The following TMEM44 variants were observed in gnomAD, a reference collection of about 807,000 sequenced individuals.
TMEM44 encodes transmembrane protein 44.
In TMEM44, 43 loss-of-function variants were observed where a neutral mutation model predicts 47.8. The observed-to-expected ratio is 0.90, with a 90% CI of 0.70 to 1.16. TMEM44 has a LOEUF of 1.16. Ranked by LOEUF, TMEM44 falls within the 50% of genes most tolerant of loss-of-function variation. The pLI is 0.00. For synonymous variants in TMEM44, 277 were observed against 238.8 expected (o/e 1.16, Z -1.48); for missense variants, 568 against 555.2 (o/e 1.02, Z -0.23).
rs1712152677 is a variant in TMEM44 at position 194,588,589 on chromosome 3, T to C, written c.1227A>G (p.Leu409=). 1 of 1,614,080 alleles carries C rather than the reference T, an allele frequency of 6.2e-7. No homozygotes were observed. Among genetic ancestry groups the C allele is most frequent in the Non-Finnish European group, 8.5e-7 (1 of 1,180,036 alleles). ...AGTCCTGGTGCACCTGGGATCCCAG[T>C]AGCTCCACATTTTCTTTGCTGCCTT... is the stretch of plus-strand genomic sequence containing the variant. ...NLEGSKENVE[L]LGSQVHQDSV... The change falls in exon 10 of 10, where the codon CTA becomes CTG. Residue 409 remains leucine, a synonymous_variant. Transcript: ENST00000347147.
chr3:194,605,011 A>T (rs760516834), intron 8 of TMEM44, among the ~76,000 whole-genome samples: 4 of 152,194 alleles, frequency 2.6e-5, no homozygotes, highest in Non-Finnish European at 5.9e-5. Context: ...CTAAAAACGC[A>T]CCCCATAGAG....
At chr3:194,623,194 CCA>C in intron 5 of TMEM44, 28 bp downstream of exon 5, 2 of 1,577,426 alleles carry the variant, frequency 1.3e-6, no homozygotes, top group Admixed American at 1.8e-5. Flanking sequence ...GTCATGTGAC[CCA>C]CAGTCCCATC....
chr3:194,627,456 T>A (rs1717300319), intron 2 of TMEM44, among the ~76,000 whole-genome samples: 1 of 146,056 alleles, frequency 6.8e-6, no homozygotes, highest in African/African-American at 2.5e-5. Context: ...TTTGAGGGCC[T>A]ACGCTTTTGA....
In TMEM44 at chr3:194,633,220, C is replaced by G. The variant is rs765904678; in HGVS notation, c.-5G>C. The G allele has an allele frequency of 2.3e-5, 32 of 1,392,686 alleles. 1 individual carries two copies. Among genetic ancestry groups the G allele is most frequent in the Non-Finnish European group, 1.9e-6 (2 of 1,072,610 alleles). 86.3% of individuals were successfully genotyped at this position (1,392,686 alleles called of 1,614,324 possible). ...GGGGCTGGGCGCCTCCCCCATGGCG[C>G]GGCTGGGCGCGCGGCGCGGGGCCGG... On this transcript the variant is annotated 5_prime_UTR_variant, in exon 1 of 10. Transcript: ENST00000347147.
At chr3:194,631,935 G>A (rs1439149430) in intron 1 of TMEM44, among the ~76,000 whole-genome samples, 2 of 152,240 alleles carry the variant, frequency 1.3e-5, no homozygotes, top group African/African-American at 2.4e-5. Context: ...GCCTAACAGT[G>A]CTGGTCTGAG....
At chr3:194,609,491 C>G (rs763366869) in intron 8 of TMEM44, among the ~76,000 whole-genome samples, 1 of 152,074 alleles carries the variant, frequency 6.6e-6, no homozygotes, top group Non-Finnish European at 1.5e-5. Context: ...TGGCCGAGTG[C>G]GTGGACTCTC....
chr3:194,588,454 A>G lies in TMEM44; in HGVS notation c.*75T>C, dbSNP rs969969374. 1.8e-5 allele frequency: 24 copies of G among 1,329,828 alleles called. No homozygotes were observed. The highest frequency in any genetic ancestry group is 1.6e-4 in the East Asian group (7 of 43,452). The allele number at this position is 1,329,828 out of a possible 1,614,324, so 82.4% of individuals were successfully genotyped here. ...TCAGTTCCTGCCGCGGTGTCAGTGC[A>G]GATTGATTCCCGCTGCGTTACTGAA... On this transcript the variant is annotated 3_prime_UTR_variant, in exon 10 of 10. Coordinates refer to ENST00000347147, the MANE Select transcript of TMEM44 (RefSeq NM_001011655.3).
intron 9 of TMEM44, chr3:194,593,038 TA>T: frequency 6.2e-7 from 1 of 1,613,880 alleles, no homozygotes; most frequent in Non-Finnish European, 8.5e-7. Flanking sequence ...TGATCGTCCA[TA>T]CCTGCTCCGA....
At chr3:194,603,159 C>T (rs988757048) in intron 9 of TMEM44, among the ~76,000 whole-genome samples, 19 of 152,210 alleles carry the variant, frequency 1.2e-4, no homozygotes, top group African/African-American at 3.4e-4. Context: ...GGAACCACAG[C>T]GGTGGGACCA....
At chr3:194,588,791 G>C (rs1712191625) in intron 9 of TMEM44, 152 bp from the exon 10 acceptor site, 1 of 698,948 alleles carries the variant, frequency 1.4e-6, no homozygotes, top group Non-Finnish European at 2.4e-6. Flanking sequence ...ACCCAGGCCT[G>C]TGTTTCTGGG....
chr3:194,596,340 C>T (rs1028429575), intron 9 of TMEM44, among the ~76,000 whole-genome samples: 3 of 152,148 alleles, frequency 2.0e-5, no homozygotes, highest in Admixed American at 6.5e-5. Flanking sequence ...TTTGGGGAGG[C>T]GGATTGGAAA....
intron 8 of TMEM44, 89 bp downstream of exon 8, chr3:194,610,827 C>T: frequency 4.4e-6 from 5 of 1,143,270 alleles, no homozygotes; most frequent in Non-Finnish European, 6.4e-6. Context: ...CCTGCTCATC[C>T]CTCAGCTAAA....
intron 1 of TMEM44, chr3:194,632,856 C>A: frequency 5.2e-6 from 4 of 767,466 alleles, no homozygotes; most frequent in Non-Finnish European, 7.6e-6. Context: ...TCCGCTGCAC[C>A]ACCCAGCCTC....
In TMEM44 at chr3:194,628,386, G is replaced by A; in HGVS notation, c.261C>T (p.Ile87=). The change falls in exon 2 of 10, where the codon ATC becomes ATT. Residue 87 remains isoleucine, a synonymous_variant. Coordinates refer to ENST00000347147, the MANE Select transcript of TMEM44 (RefSeq NM_001011655.3). ...GTCAGCTGGAGGCCCAACATACCTGGATTGTGAGCTGTCTGGCCAGAAGAG... is the reference window on the plus strand; with the variant it reads ...GTCAGCTGGAGGCCCAACATACCTGAATTGTGAGCTGTCTGGCCAGAAGAG... ...VGALLARQLT[I]QVFTGAYLAA... 1 of 1,610,690 alleles carries A rather than the reference G, an allele frequency of 6.2e-7. No homozygotes were observed. Among genetic ancestry groups the A allele is most frequent in the Non-Finnish European group, 8.5e-7 (1 of 1,178,460 alleles).
At chr3:194,593,763 T>G (rs73080778) in intron 9 of TMEM44, among the ~76,000 whole-genome samples, 24,143 of 152,096 alleles carry the variant, frequency 0.16, 2,277 homozygotes, top group African/African-American at 0.26. Flanking sequence ...ATTATCACAT[T>G]AAAACAAAAG....
chr3:194,608,342 G>C (rs956452637), intron 8 of TMEM44, among the ~76,000 whole-genome samples: 6 of 152,196 alleles, frequency 3.9e-5, no homozygotes, highest in African/African-American at 1.4e-4. Flanking sequence ...CGGTGTGTCT[G>C]GGCAGCCTGG....
Position 194,628,517 on chromosome 3 carries a change from G to A in TMEM44, c.138-8C>T, listed in dbSNP as rs1577229964. 9.3e-6 allele frequency: 15 copies of A among 1,611,088 alleles called. No homozygotes were observed. The East Asian group carries it at 3.4e-4, about 36-fold the overall frequency. ...CATCTCAGATAGAGAAGCCTGGGGT[G>A]ACAGGGGTGTGGACAGAACACAGCA... On this transcript the variant is annotated splice_region_variant and splice_polypyrimidine_tract_variant and intron_variant, in intron 1 of 9. Transcript: ENST00000347147.
intron 5 of TMEM44, chr3:194,617,750 C>G: frequency 1.4e-6 from 1 of 703,872 alleles, no homozygotes. Context: ...CATGTTGAGT[C>G]GTAATCCCCA....
rs894270268 is a variant in TMEM44 at position 194,633,063 on chromosome 3, C to G, written c.137+16G>C. On this transcript the variant is annotated intron_variant, in intron 1 of 9. Coordinates refer to ENST00000347147, the MANE Select transcript of TMEM44 (RefSeq NM_001011655.3). ...GTTTCCCCGCCCGACAGCCCCCCGA[C>G]CCGTGGCCCCATTACAGCGCGTGGG... 1.9e-6 allele frequency: 3 copies of G among 1,546,816 alleles called. No individual in the cohort carries two copies. The highest frequency in any genetic ancestry group is 2.6e-6 in the Non-Finnish European group (3 of 1,145,802).
Sources: gnomAD v4.1 joint callset for allele counts (sites outside exome capture counted in the v4.1 genomes callset) on GRCh38, gnomAD v4.1.1 for gene constraint, MANE v1.5 for transcripts, NCBI Gene and HGNC (gene_info 2026-07-23, HGNC 2026-07-21) for gene names.